The following KLHL5 variants were observed in gnomAD, a reference collection of about 807,000 sequenced individuals.
KLHL5 encodes the protein kelch like family member 5.
A neutral mutation model predicts 77.7 loss-of-function variants in KLHL5; 48 were observed. The observed-to-expected ratio is 0.62, with a 90% CI of 0.49 to 0.79. The LOEUF (loss-of-function observed/expected upper bound fraction) is 0.79. KLHL5 is among the 30% of genes least tolerant of loss of function. The pLI, the probability that KLHL5 is intolerant of heterozygous loss-of-function variation, is 0.00. For synonymous variants in KLHL5, 260 were observed against 297.0 expected, an observed-to-expected ratio of 0.88 and a Z score of 1.28; for missense variants, 723 against 859.7, an observed-to-expected ratio of 0.84 and a Z score of 1.99.
chr4:39,065,338 C>A (rs1577649373), intron 1 of KLHL5, among the ~76,000 whole-genome samples: 1 of 149,006 alleles, frequency 6.7e-6, no homozygotes, highest in South Asian at 2.1e-4. Context: ...CTGTTAATGT[C>A]ACACTGACAT....
At chr4:39,093,779 G>T (rs567892092) in intron 5 of KLHL5, among the ~76,000 whole-genome samples, 1 of 152,078 alleles carries the variant, frequency 6.6e-6, no homozygotes, top group African/African-American at 2.4e-5. Context: ...GGTGGTGCAT[G>T]CCTGTAATCC....
chr4:39,086,525 T>C lies in KLHL5; in HGVS notation c.911T>C (p.Met304Thr). 1 of 1,613,194 alleles carries C rather than the reference T, an allele frequency of 6.2e-7. No individual in the cohort carries two copies. Among genetic ancestry groups the C allele is most frequent in the Non-Finnish European group, 8.5e-7 (1 of 1,179,198 alleles). The change falls in exon 5 of 11, where the codon ATG (methionine) becomes ACG (threonine). Residue 304 changes from methionine (M) to threonine (T), a missense_variant. This residue lies in a region of KLHL5 where 288 missense variants were observed against 400.3 expected (regional missense o/e 0.72). Transcript: ENST00000504108. Reference sequence around the variant, plus strand: ...ATTTCTTCCCTCTAGGAGCATTTCATGGAAGTAATCAGAAACCAGGAATTT... The same window carrying C: ...ATTTCTTCCCTCTAGGAGCATTTCACGGAAGTAATCAGAAACCAGGAATTT... ...VAHNYTMEHF[M>T]EVIRNQEFVL... is the part of the protein sequence containing the mutation.
chr4:39,092,453 A>G (rs908894441), intron 5 of KLHL5, among the ~76,000 whole-genome samples: 1 of 152,096 alleles, frequency 6.6e-6, no homozygotes, highest in Admixed American at 6.5e-5. Context: ...TTTTTTTCAC[A>G]TTTATTTTTA....
chr4:39,084,721 A>G (rs1205332602), intron 4 of KLHL5, among the ~76,000 whole-genome samples: 1 of 152,226 alleles, frequency 6.6e-6, no homozygotes, highest in African/African-American at 2.4e-5. Flanking sequence ...ATGAAATCCA[A>G]TTAATGCCAT....
the KLHL5 span, among the ~76,000 whole-genome samples, chr4:39,136,547 C>T: frequency 6.6e-6 from 1 of 152,092 alleles, no homozygotes; most frequent in Non-Finnish European, 1.5e-5. Flanking sequence ...TCATGGTGAC[C>T]CAATGTGGGG....
At chr4:39,080,745 ATAAT>A (rs1360845109) in intron 2 of KLHL5, among the ~76,000 whole-genome samples, 3 of 152,108 alleles carry the variant, frequency 2.0e-5, no homozygotes, top group Non-Finnish European at 4.4e-5. Context: ...CACTACTTCT[ATAAT>A]TAAATTTTTT....
chr4:39,062,294 T>G lies in KLHL5; in HGVS notation c.-359T>G, dbSNP rs538057637. Reference sequence around the variant, plus strand: ...GTGGTTTAAGAAAAAGGGGGTGGTGTTCTGCATTTGAAAGGACTTTAATGA... The same window carrying G: ...GTGGTTTAAGAAAAAGGGGGTGGTGGTCTGCATTTGAAAGGACTTTAATGA... On this transcript the variant is annotated 5_prime_UTR_variant, in exon 1 of 11. Coordinates refer to ENST00000504108, the MANE Select transcript of KLHL5 (RefSeq NM_015990.5). 89 of 1,358,232 alleles carry G rather than the reference T, an allele frequency of 6.6e-5. No individual in the cohort carries two copies. Among genetic ancestry groups the G allele is most frequent in the African/African-American group, 3.5e-4 (24 of 68,088 alleles). 84.1% of individuals were successfully genotyped at this position (1,358,232 alleles called of 1,614,324 possible).
At chr4:39,044,969 G>C, upstream of KLHL5, 1 of 988,736 alleles carries the variant, frequency 1.0e-6, no homozygotes. Flanking sequence ...GCCCGGACAG[G>C]GTCTAGGGGC....
intron 5 of KLHL5, among the ~76,000 whole-genome samples, chr4:39,091,867 G>C (rs1291309194): frequency 3.3e-4 from 3 of 8,982 alleles, no homozygotes; most frequent in African/African-American, 1.1e-3. Flanking sequence ...TTTTTTTTTT[G>C]TAGAGACAGC....
intron 10 of KLHL5, among the ~76,000 whole-genome samples, chr4:39,120,728 G>A (rs1395185161): frequency 6.6e-6 from 1 of 152,224 alleles, no homozygotes; most frequent in African/African-American, 2.4e-5. Flanking sequence ...AAAATAGAGT[G>A]TTTCATGTAG....
intron 4 of KLHL5, among the ~76,000 whole-genome samples, chr4:39,083,057 A>G (rs190535714): frequency 2.2e-4 from 34 of 152,326 alleles, no homozygotes; most frequent in African/African-American, 8.2e-4. Context: ...TATGGATATT[A>G]CCAATTTTAT....
At chr4:39,068,703 C>G (rs1311521739) in intron 1 of KLHL5, among the ~76,000 whole-genome samples, 1 of 152,118 alleles carries the variant, frequency 6.6e-6, no homozygotes, top group Non-Finnish European at 1.5e-5. Context: ...ATTGTTTAAG[C>G]AGAAAACCTG....
chr4:39,084,066 T>C (rs1209006614), intron 4 of KLHL5, among the ~76,000 whole-genome samples: 1 of 152,184 alleles, frequency 6.6e-6, no homozygotes, highest in East Asian at 1.9e-4. Flanking sequence ...TTTAAATAAA[T>C]CCCTCCGTAA....
intron 6 of KLHL5, among the ~76,000 whole-genome samples, chr4:39,101,451 T>TA (rs550986583): frequency 4.6e-4 from 70 of 151,174 alleles, no homozygotes; most frequent in African/African-American, 1.6e-3. Flanking sequence ...AGCATATGAG[T>TA]AAAAAACCTC....
At chr4:39,099,409 C>T (rs1721353381) in intron 6 of KLHL5, among the ~76,000 whole-genome samples, 1 of 152,188 alleles carries the variant, frequency 6.6e-6, no homozygotes, top group Non-Finnish European at 1.5e-5. Flanking sequence ...TCTCCCCTTT[C>T]TTTGAACTCC....
intron 6 of KLHL5, among the ~76,000 whole-genome samples, chr4:39,099,454 T>C (rs1577715022): frequency 6.6e-6 from 1 of 152,202 alleles, no homozygotes; most frequent in Admixed American, 6.5e-5. Context: ...TGACAATCTC[T>C]CTGACTTCTG....
chr4:39,136,620 C>T, the KLHL5 span, among the ~76,000 whole-genome samples: 1 of 152,190 alleles, frequency 6.6e-6, no homozygotes, highest in African/African-American at 2.4e-5. Context: ...CACAGGGTCT[C>T]AGACCCCCAT....
chr4:39,113,286 A>G (rs1208601727), intron 9 of KLHL5, 54 bp downstream of exon 9: 2 of 1,379,810 alleles, frequency 1.4e-6, no homozygotes, highest in Non-Finnish European at 2.0e-6. Context: ...TAAGTCTCTG[A>G]TACTTACATA....
Position 39,124,505 on chromosome 4 carries a change from T to G in KLHL5, c.*3439T>G, listed in dbSNP as rs1040297563. 1.3e-5 allele frequency among the ~76,000 whole-genome samples: 2 copies of G among 152,054 alleles called. No homozygotes were observed. The highest frequency in any genetic ancestry group is 2.9e-5 in the Non-Finnish European group (2 of 67,976). Reference sequence around the variant, plus strand: ...GTAGAATGGAAAGTCCAGAAACAAATTACGCCAATACACTATGGTCAATTG... The same window carrying G: ...GTAGAATGGAAAGTCCAGAAACAAAGTACGCCAATACACTATGGTCAATTG... On this transcript the variant is annotated 3_prime_UTR_variant, in exon 11 of 11. Coordinates refer to ENST00000504108, the MANE Select transcript of KLHL5 (RefSeq NM_015990.5).
Sources: allele counts gnomAD v4.1 joint callset (sites outside exome capture counted in the v4.1 genomes callset), GRCh38; gene constraint gnomAD v4.1.1; regional missense constraint gnomAD v4.1.1; transcripts MANE v1.5; gene names NCBI Gene and HGNC (gene_info 2026-07-23, HGNC 2026-07-21).